The following KCNJ6 variants were observed in gnomAD, a reference collection of about 807,000 sequenced individuals.
KCNJ6 encodes potassium inwardly rectifying channel subfamily J member 6, also known as G protein-activated inward rectifier potassium channel 2.
Under a neutral mutation model 34.2 loss-of-function variants are expected in KCNJ6, and 9 were observed. That is an observed-to-expected ratio of 0.26 (90% confidence interval 0.16 to 0.46). The LOEUF (loss-of-function observed/expected upper bound fraction) is 0.46. Among genes scored for constraint, KCNJ6 ranks in the 20% least tolerant of loss-of-function variants. The pLI is 1.00. For synonymous variants in KCNJ6, 196 were observed against 207.1 expected (o/e 0.95, Z 0.46); for missense variants, 236 against 531.3 (o/e 0.44, Z 5.46).
intron 3 of KCNJ6, among the ~76,000 whole-genome samples, chr21:37,669,115 C>T (rs1445508342): frequency 6.6e-6 from 1 of 152,180 alleles, no homozygotes; most frequent in Non-Finnish European, 1.5e-5. Context: ...TTAACCCAAA[C>T]ACTCCTTTCT....
intron 1 of KCNJ6, among the ~76,000 whole-genome samples, chr21:37,845,091 C>T (rs372603566): frequency 7.9e-5 from 12 of 152,094 alleles, no homozygotes; most frequent in African/African-American, 1.2e-4. Context: ...CTTACTCCCG[C>T]GGAAGTCAGC....
At chr21:37,743,781 A>G (rs1268793652) in intron 2 of KCNJ6, among the ~76,000 whole-genome samples, 1 of 152,078 alleles carries the variant, frequency 6.6e-6, no homozygotes, top group East Asian at 1.9e-4. Context: ...AAAGACTATG[A>G]CAGTACTAGA....
At chr21:37,722,386 A>G (rs2054831395) in intron 2 of KCNJ6, among the ~76,000 whole-genome samples, 1 of 152,252 alleles carries the variant, frequency 6.6e-6, no homozygotes, top group Non-Finnish European at 1.5e-5. Flanking sequence ...TACAGATTCA[A>G]TGCTATTCCT....
intron 3 of KCNJ6, among the ~76,000 whole-genome samples, chr21:37,628,563 G>A (rs1366886494): frequency 6.6e-6 from 1 of 152,082 alleles, no homozygotes; most frequent in African/African-American, 2.4e-5. Context: ...GCATACCAAC[G>A]TACGCATAAT....
rs141201856 is a variant in KCNJ6 at position 37,641,788 on chromosome 21, G to A, written c.947-16304C>T. 6.6e-5 allele frequency among the ~76,000 whole-genome samples: 10 copies of A among 152,306 alleles called. No homozygotes were observed. The East Asian group carries it at 1.9e-3, about 29-fold the overall frequency. On this transcript the variant is annotated intron_variant, in intron 3 of 3. Transcript: ENST00000609713. ...AACGACTTGGAGGAGGACAAAGTAA[G>A]CAGATGTGGGGGAAATAGAAAGCTG...
At chr21:37,631,440 A>C (rs1382612947) in intron 3 of KCNJ6, among the ~76,000 whole-genome samples, 17 of 152,202 alleles carry the variant, frequency 1.1e-4, no homozygotes, top group Admixed American at 1.1e-3. Flanking sequence ...CAATAAAAGC[A>C]AGAGATGAGC....
intron 3 of KCNJ6, among the ~76,000 whole-genome samples, chr21:37,705,853 G>C (rs1601428205): frequency 6.6e-6 from 1 of 152,330 alleles, no homozygotes; most frequent in African/African-American, 2.4e-5. Context: ...TGGCCAACTT[G>C]TCAAAATGTT....
chr21:37,898,410 C>A (rs1343170175), intron 1 of KCNJ6, among the ~76,000 whole-genome samples: 8 of 151,902 alleles, frequency 5.3e-5, no homozygotes, highest in Admixed American at 5.2e-4. Context: ...TGGTGACATC[C>A]CATCTCTACT....
At position 37,609,279 on chromosome 21, in the gene KCNJ6, T is replaced by G. The variant is rs1380501559; in HGVS notation, c.*15880A>C. 6.6e-6 allele frequency: 1 copy of G among 152,186 alleles called. No homozygotes were observed. The highest frequency in any genetic ancestry group is 1.5e-5 in the Non-Finnish European group (1 of 68,034). The allele number at this position is 152,186 out of a possible 1,614,324, so 9.4% of individuals were successfully genotyped here. A position where few individuals can be genotyped will look rare whatever the true frequency, so the allele number is the denominator to read the frequency against. On this transcript the variant is annotated 3_prime_UTR_variant, in exon 4 of 4. Transcript: ENST00000609713. ...TTGCTTTCTTTGCTTAACTAGTTCT[T>G]GAAAATTCTGTGTGATGGTGAGAAT...
At chr21:37,902,108 C>T (rs1174463458) in intron 1 of KCNJ6, among the ~76,000 whole-genome samples, 1 of 152,200 alleles carries the variant, frequency 6.6e-6, no homozygotes, top group Non-Finnish European at 1.5e-5. Context: ...TATGATTATG[C>T]CCAAGGGCAT....
chr21:37,662,662 C>G (rs2054495292), intron 3 of KCNJ6, among the ~76,000 whole-genome samples: 1 of 152,250 alleles, frequency 6.6e-6, no homozygotes, highest in South Asian at 2.1e-4. Context: ...ATTTCTGGTT[C>G]TAGGTCTTTG....
chr21:37,897,798 C>T (rs1406530581), intron 1 of KCNJ6, among the ~76,000 whole-genome samples: 2 of 152,220 alleles, frequency 1.3e-5, no homozygotes, highest in African/African-American at 4.8e-5. Flanking sequence ...GGCTTATCAT[C>T]ACAGCCATTG....
intron 2 of KCNJ6, among the ~76,000 whole-genome samples, chr21:37,755,377 G>C (rs926041663): frequency 1.3e-5 from 2 of 152,238 alleles, no homozygotes; most frequent in African/African-American, 4.8e-5. Context: ...CCCTGGGATA[G>C]AAGGCTCTTT....
chr21:37,840,973 C>T (rs527241561), intron 1 of KCNJ6, among the ~76,000 whole-genome samples: 19 of 152,228 alleles, frequency 1.2e-4, no homozygotes, highest in East Asian at 5.8e-4. Context: ...TAATTGGTGA[C>T]GCACGACCAG....
chr21:37,825,078 T>A (rs575190531), intron 2 of KCNJ6, among the ~76,000 whole-genome samples: 1 of 152,226 alleles, frequency 6.6e-6, no homozygotes, highest in African/African-American at 2.4e-5. Flanking sequence ...AGGATACATG[T>A]GATTGCATTT....
At chr21:37,900,994 T>TC (rs1374098425) in intron 1 of KCNJ6, among the ~76,000 whole-genome samples, 1 of 151,084 alleles carries the variant, frequency 6.6e-6, no homozygotes, top group African/African-American at 2.4e-5. Context: ...TGCTATATTC[T>TC]CCCCCACTTC....
At chr21:37,843,104 A>G (rs1234945147) in intron 1 of KCNJ6, among the ~76,000 whole-genome samples, 2 of 152,246 alleles carry the variant, frequency 1.3e-5, no homozygotes, top group African/African-American at 4.8e-5. Flanking sequence ...GATTCCAGGC[A>G]TTACATTTCT....
At chr21:37,851,314 G>T (rs376079028) in intron 1 of KCNJ6, among the ~76,000 whole-genome samples, 3 of 152,096 alleles carry the variant, frequency 2.0e-5, no homozygotes, top group Non-Finnish European at 2.9e-5. Flanking sequence ...TGTTCCCTAC[G>T]CATGCAAAAA....
chr21:37,746,623 A>C (rs981578820), intron 2 of KCNJ6, among the ~76,000 whole-genome samples: 10 of 152,110 alleles, frequency 6.6e-5, no homozygotes, highest in Non-Finnish European at 1.0e-4. Flanking sequence ...TACTCACTTG[A>C]CTCTGAGTAA....
Sources: allele counts gnomAD v4.1 joint callset (sites outside exome capture counted in the v4.1 genomes callset), GRCh38; gene constraint gnomAD v4.1.1; transcripts MANE v1.5; gene names NCBI Gene and HGNC (gene_info 2026-07-23, HGNC 2026-07-21).